PTK2B: variants seen among roughly 807,000 people sequenced by gnomAD.
PTK2B encodes the protein protein tyrosine kinase 2 beta.
A neutral mutation model predicts 142.9 loss-of-function variants in PTK2B; 71 were observed. That is an observed-to-expected ratio of 0.50 (90% CI 0.41 to 0.61). The LOEUF (loss-of-function observed/expected upper bound fraction) is 0.61, where lower values mean the gene tolerates loss of function less well. PTK2B is among the 20% of genes least tolerant of loss of function. The pLI is 0.00. For synonymous variants in PTK2B, 519 were observed against 503.4 expected (o/e 1.03, Z -0.42); for missense variants, 1,105 against 1,320.4 (o/e 0.84, Z 2.53).
At position 27,430,870 on chromosome 8, in the gene PTK2B, CCCCAG is replaced by C; in HGVS notation, c.670-1_673del. ...CATTGCTCACACGGCCCATCCCCTC[CCCCAG>C]CCCAAACAGTTCCGGAAGATGATCC... is the stretch of plus-strand genomic sequence containing the variant. On this transcript the variant is annotated splice_acceptor_variant and splice_polypyrimidine_tract_variant and intron_variant, in intron 7 of 30. Coordinates refer to ENST00000346049, the MANE Select transcript of PTK2B (RefSeq NM_173176.3). LOFTEE classifies it high-confidence loss of function. The C allele has an allele frequency of 6.2e-7, 1 of 1,613,338 alleles. No individual in the cohort carries two copies. Among genetic ancestry groups the C allele is most frequent in the African/African-American group, 1.3e-5 (1 of 75,032 alleles).
intron 30 of PTK2B, among the ~76,000 whole-genome samples, chr8:27,456,611 G>A (rs1198270554): frequency 1.3e-5 from 2 of 152,152 alleles, no homozygotes; most frequent in African/African-American, 4.8e-5. Flanking sequence ...TCAAGTAAAA[G>A]GAAGGGTCAC....
chr8:27,456,446 G>C (rs1273083324), intron 30 of PTK2B, among the ~76,000 whole-genome samples: 3 of 152,214 alleles, frequency 2.0e-5, no homozygotes, highest in South Asian at 2.1e-4. Flanking sequence ...ATCATAAACT[G>C]TGCCCACATA....
intron 1 of PTK2B, among the ~76,000 whole-genome samples, chr8:27,391,222 G>A (rs895006025): frequency 3.3e-5 from 5 of 151,956 alleles, no homozygotes; most frequent in African/African-American, 9.7e-5. Context: ...TCAGCCTCCC[G>A]AGTAGCTGGG....
At chr8:27,393,042 C>G (rs1475150674) in intron 1 of PTK2B, among the ~76,000 whole-genome samples, 1 of 152,150 alleles carries the variant, frequency 6.6e-6, no homozygotes. Flanking sequence ...GGGATTTCAC[C>G]TTCTTCCAAG....
At position 27,359,020 on chromosome 8, in the gene PTK2B, T is replaced by C. The variant is rs78819103; in HGVS notation, c.-38+33339T>C. Among the ~76,000 whole-genome samples the C allele has an allele frequency of 4.6e-3, 699 of 152,318 alleles. 8 individuals are homozygous for C. The highest frequency in any genetic ancestry group is 0.038 in the East Asian group (195 of 5,192). ...CTGTTGTCCACTGGTATTATAGTAT[T>C]ATCTTCTTTTCAACATCTCCCCTCC... On this transcript the variant is annotated intron_variant, in intron 1 of 30. Coordinates refer to ENST00000346049, the MANE Select transcript of PTK2B (RefSeq NM_173176.3).
At chr8:27,334,923 C>T (rs1006479305) in intron 1 of PTK2B, among the ~76,000 whole-genome samples, 3 of 152,148 alleles carry the variant, frequency 2.0e-5, no homozygotes, top group Non-Finnish European at 4.4e-5. Flanking sequence ...TTTATTAAAC[C>T]ACTCCTAACT....
intron 5 of PTK2B, 91 bp from the exon 6 acceptor site, chr8:27,430,002 G>A: frequency 7.7e-6 from 9 of 1,167,746 alleles, no homozygotes; most frequent in Admixed American, 3.4e-5. Context: ...GTATGGCAGG[G>A]GAAGGGGGCT....
upstream of PTK2B, among the ~76,000 whole-genome samples, chr8:27,324,380 G>A (rs530059668): frequency 2.6e-5 from 4 of 152,396 alleles, no homozygotes; most frequent in African/African-American, 9.6e-5. Context: ...AATGGGTTGT[G>A]AGCCCCATGC....
intron 4 of PTK2B, 80 bp downstream of exon 4, chr8:27,420,824 G>A: frequency 7.6e-7 from 1 of 1,322,398 alleles, no homozygotes; most frequent in Non-Finnish European, 1.1e-6. Flanking sequence ...CTCCTAGGGA[G>A]ATGGAAAGAC....
intron 1 of PTK2B, among the ~76,000 whole-genome samples, chr8:27,393,694 T>A (rs998457955): frequency 1.3e-5 from 2 of 152,130 alleles, no homozygotes; most frequent in Non-Finnish European, 2.9e-5. Context: ...TTAGAGAAGT[T>A]TTTGTTTCAC....
At position 27,458,758 on chromosome 8, in the gene PTK2B, G is replaced by A; in HGVS notation, c.*249G>A. 1 of 560,018 alleles carries A rather than the reference G, an allele frequency of 1.8e-6. No homozygotes were observed. The highest frequency in any genetic ancestry group is 3.2e-6 in the Non-Finnish European group (1 of 311,278). The allele number at this position is 560,018 out of a possible 1,614,324, so 34.7% of individuals were successfully genotyped here. A position where few individuals can be genotyped will look rare whatever the true frequency, so the allele number is the denominator to read the frequency against. The stretch of plus-strand genomic sequence containing the variant: ...AAAGATGGCTCAGAGGGGGACTGCT[G>A]CTGCCTGGCCACTGCTCCCTAAGCC... On this transcript the variant is annotated 3_prime_UTR_variant, in exon 31 of 31. Transcript: ENST00000346049.
At chr8:27,325,859 C>T (rs1272078471) in intron 1 of PTK2B, among the ~76,000 whole-genome samples, 178 bp downstream of exon 1, 1 of 152,198 alleles carries the variant, frequency 6.6e-6, no homozygotes. Flanking sequence ...GCCCGGAGCT[C>T]GCCAGCCTTC....
chr8:27,337,763 T>A (rs1303681305), intron 1 of PTK2B, among the ~76,000 whole-genome samples: 1 of 152,250 alleles, frequency 6.6e-6, no homozygotes, highest in Non-Finnish European at 1.5e-5. Context: ...TGTTTATCTC[T>A]TCATTAGTAA....
intron 2 of PTK2B, among the ~76,000 whole-genome samples, chr8:27,412,795 G>GA (rs374125336): frequency 4.6e-5 from 7 of 151,482 alleles, no homozygotes; most frequent in East Asian, 1.9e-4. Flanking sequence ...AAGGAAATCT[G>GA]AAAAAAAAAT....
At chr8:27,313,220 G>A (rs985815076) in exon 3 of PTK2B, 1 of 152,240 alleles carries the variant, frequency 6.6e-6, no homozygotes, top group Non-Finnish European at 1.5e-5. Context: ...CAAAGGAGGT[G>A]TCTTGCTTCA....
chr8:27,439,766 T>C (rs1448637493), intron 20 of PTK2B, among the ~76,000 whole-genome samples: 2 of 152,136 alleles, frequency 1.3e-5, no homozygotes, highest in African/African-American at 4.8e-5. Context: ...GAACACCTCC[T>C]GCAAACCATC....
chr8:27,352,646 G>A (rs1805164768), intron 1 of PTK2B, among the ~76,000 whole-genome samples: 1 of 152,172 alleles, frequency 6.6e-6, no homozygotes, highest in Non-Finnish European at 1.5e-5. Context: ...CCGGTGGGAG[G>A]TAATTGAATC....
chr8:27,324,623 C>T (rs997260801), upstream of PTK2B, among the ~76,000 whole-genome samples: 4 of 152,244 alleles, frequency 2.6e-5, no homozygotes, highest in Non-Finnish European at 5.9e-5. Context: ...TCAGAAAGTA[C>T]ATTGTGAATA....
chr8:27,456,361 T>A (rs951433347), intron 30 of PTK2B, among the ~76,000 whole-genome samples: 1 of 152,226 alleles, frequency 6.6e-6, no homozygotes, highest in Non-Finnish European at 1.5e-5. Flanking sequence ...TTTTTCATTA[T>A]GATTATAACG....
Sources: allele counts gnomAD v4.1 joint callset (sites outside exome capture counted in the v4.1 genomes callset), GRCh38; gene constraint gnomAD v4.1.1; transcripts MANE v1.5; gene names NCBI Gene and HGNC (gene_info 2026-07-23, HGNC 2026-07-21).